The following HTR2C variants were observed in gnomAD, a reference collection of about 807,000 sequenced individuals.
The protein encoded by HTR2C is 5-hydroxytryptamine receptor 2C, also known as 5-hydroxytryptamine (serotonin) receptor 2C, G protein-coupled.
Under a neutral mutation model 21.0 loss-of-function variants are expected in HTR2C, and 5 were observed. That is an observed-to-expected ratio of 0.24 (90% CI 0.12 to 0.50). The LOEUF (loss-of-function observed/expected upper bound fraction) is 0.50, where lower values mean the gene tolerates loss of function less well. Ranked by LOEUF, HTR2C falls within the 20% of genes least tolerant of loss-of-function variation. The pLI is 0.98. For synonymous variants in HTR2C, 150 were observed against 145.3 expected, an observed-to-expected ratio of 1.03 and a Z score of -0.23; for missense variants, 271 against 371.2, an observed-to-expected ratio of 0.73 and a Z score of 2.22.
At chrX:114,893,868 G>C (rs2071276523) in intron 5 of HTR2C, among the ~76,000 whole-genome samples, 2 of 111,922 alleles carry the variant, frequency 1.8e-5, no homozygotes, top group African/African-American at 6.5e-5. Context: ...AACTGAAAAT[G>C]GGAAAAATCT....
intron 4 of HTR2C, among the ~76,000 whole-genome samples, chrX:114,787,269 A>C (rs1191047819): frequency 4.5e-5 from 5 of 112,272 alleles, no homozygotes; most frequent in Non-Finnish European, 7.5e-5. Context: ...TACAGAAGCC[A>C]ATTGTTGTAG....
intron 4 of HTR2C, among the ~76,000 whole-genome samples, chrX:114,787,919 C>G (rs1310830016): frequency 2.9e-5 from 3 of 103,084 alleles, no homozygotes; most frequent in African/African-American, 1.1e-4. Flanking sequence ...TGCACTCCAG[C>G]CTGGGCAACA....
chrX:114,674,406 A>T (rs1051574717), intron 2 of HTR2C, among the ~76,000 whole-genome samples: 13 of 112,107 alleles, frequency 1.2e-4, no homozygotes, highest in African/African-American at 3.9e-4. Context: ...TGACTTTGAA[A>T]GAGTGAATTG....
chrX:114,597,009 G>A (rs1556392725), intron 1 of HTR2C, among the ~76,000 whole-genome samples: 1 of 110,258 alleles, frequency 9.1e-6, no homozygotes, highest in African/African-American at 3.3e-5. Context: ...CATGAGGCCA[G>A]GAGTTCGAGA....
chrX:114,621,005 C>T (rs781800231), intron 2 of HTR2C, among the ~76,000 whole-genome samples: 2 of 111,911 alleles, frequency 1.8e-5, no homozygotes, highest in Admixed American at 9.5e-5. Flanking sequence ...CTCAACCTCC[C>T]ATGTAGCTGG....
At chrX:114,784,422 A>T (rs1359900547) in intron 4 of HTR2C, among the ~76,000 whole-genome samples, 1 of 111,166 alleles carries the variant, frequency 9.0e-6, no homozygotes, top group Non-Finnish European at 1.9e-5. Flanking sequence ...GTGGCTTAAA[A>T]CAACAGAAAT....
At chrX:114,754,876 T>C (rs2069795769) in intron 4 of HTR2C, among the ~76,000 whole-genome samples, 1 of 111,879 alleles carries the variant, frequency 8.9e-6, no homozygotes, top group Non-Finnish European at 1.9e-5. Context: ...AAATGATACA[T>C]CCAACAAAAG....
At chrX:114,609,071 A>G (rs1556398007) in intron 1 of HTR2C, among the ~76,000 whole-genome samples, 1 of 112,006 alleles carries the variant, frequency 8.9e-6, no homozygotes, top group Admixed American at 9.5e-5. Flanking sequence ...AGCTCTGAAT[A>G]CTTCTCTTGC....
chrX:114,852,493 A>C (rs1298827600), intron 5 of HTR2C, among the ~76,000 whole-genome samples: 1 of 111,247 alleles, frequency 9.0e-6, no homozygotes, highest in East Asian at 2.8e-4. Context: ...AAAATGCTAC[A>C]TACAAATTAA....
intron 4 of HTR2C, among the ~76,000 whole-genome samples, chrX:114,806,559 A>G (rs2070444912): frequency 2.7e-5 from 1 of 37,696 alleles, no homozygotes; most frequent in African/African-American, 1.1e-4. Context: ...TACCATATAT[A>G]CCATATACAT....
At chrX:114,635,656 C>T (rs1929813473) in intron 2 of HTR2C, among the ~76,000 whole-genome samples, 1 of 111,512 alleles carries the variant, frequency 9.0e-6, no homozygotes, top group East Asian at 2.8e-4. Flanking sequence ...TTACTTTGTG[C>T]AAGACACTCC....
At chrX:114,665,710 TCTC>T (rs781793002) in intron 2 of HTR2C, among the ~76,000 whole-genome samples, 2 of 111,532 alleles carry the variant, frequency 1.8e-5, no homozygotes, top group African/African-American at 6.5e-5. Flanking sequence ...AGGTCTTCAT[TCTC>T]ATCATCTTTT....
intron 2 of HTR2C, among the ~76,000 whole-genome samples, chrX:114,664,083 AG>A (rs1368974043): frequency 1.8e-5 from 2 of 111,767 alleles, no homozygotes; most frequent in Non-Finnish European, 3.8e-5. Flanking sequence ...GGACTATACT[AG>A]GTGTCTCTTT....
At chrX:114,902,129 C>T (rs960972188) in intron 5 of HTR2C, among the ~76,000 whole-genome samples, 1 of 111,698 alleles carries the variant, frequency 9.0e-6, no homozygotes, top group East Asian at 2.8e-4. Context: ...ATAACATGTG[C>T]CTTGCGGAAT....
chrX:114,615,607 T>C (rs1256866658), intron 2 of HTR2C, among the ~76,000 whole-genome samples: 3 of 112,117 alleles, frequency 2.7e-5, no homozygotes, highest in Non-Finnish European at 5.6e-5. Context: ...ATCATTGGCA[T>C]GGTAAGCCTC....
chrX:114,669,945 G>A (rs1290061942), intron 2 of HTR2C, among the ~76,000 whole-genome samples: 1 of 112,043 alleles, frequency 8.9e-6, no homozygotes, highest in Non-Finnish European at 1.9e-5. Flanking sequence ...CAGCTTAAAA[G>A]TAGCAATGCT....
chrX:114,752,643 G>A (rs1366797143), intron 4 of HTR2C, among the ~76,000 whole-genome samples: 9 of 110,715 alleles, frequency 8.1e-5, no homozygotes, highest in African/African-American at 2.6e-4. Flanking sequence ...TTCCCAAGGG[G>A]CATTATAATG....
chrX:114,722,525 G>T (rs1384407899), intron 2 of HTR2C, among the ~76,000 whole-genome samples: 1 of 110,592 alleles, frequency 9.0e-6, no homozygotes, highest in Non-Finnish European at 1.9e-5. Context: ...CTGCCTGATC[G>T]CCCTGGCCAG....
At chrX:114,882,785 G>A (rs1485544524) in intron 5 of HTR2C, among the ~76,000 whole-genome samples, 2 of 110,128 alleles carry the variant, frequency 1.8e-5, no homozygotes, top group Admixed American at 9.7e-5. Context: ...ATATTTATCC[G>A]TAGTTTTCTT....
Sources: allele counts gnomAD v4.1 joint callset (sites outside exome capture counted in the v4.1 genomes callset), GRCh38; gene constraint gnomAD v4.1.1; transcripts MANE v1.5; gene names NCBI Gene and HGNC (gene_info 2026-07-23, HGNC 2026-07-21).